GRK4: variants seen among roughly 807,000 people sequenced by gnomAD.
GRK4 encodes the protein G protein-coupled receptor kinase 4.
A neutral mutation model predicts 77.9 loss-of-function variants in GRK4; 73 were observed. That is an observed-to-expected ratio of 0.94 (90% CI 0.78 to 1.14). The LOEUF (loss-of-function observed/expected upper bound fraction) is 1.14. Among genes scored for constraint, GRK4 ranks in the 50% most tolerant of loss-of-function variants. The pLI, the probability that GRK4 is intolerant of heterozygous loss-of-function variation, is 0.00. For missense variants in GRK4, 729 were observed against 700.2 expected, an observed-to-expected ratio of 1.04 and a Z score of -0.46; for synonymous variants, 257 against 254.4, an observed-to-expected ratio of 1.01 and a Z score of -0.10.
At chr4:2,986,213 A>T (rs754586733) in intron 2 of GRK4, among the ~76,000 whole-genome samples, 6 of 151,790 alleles carry the variant, frequency 4.0e-5, no homozygotes, top group Non-Finnish European at 5.9e-5. Flanking sequence ...CAGTATTTTT[A>T]ATATTTGCTA....
intron 9 of GRK4, among the ~76,000 whole-genome samples, chr4:3,020,205 C>T (rs1220818944): frequency 6.6e-6 from 1 of 152,018 alleles, no homozygotes; most frequent in Admixed American, 6.6e-5. Context: ...GGGGTCTCAC[C>T]ATGTTGGCCA....
intron 8 of GRK4, among the ~76,000 whole-genome samples, chr4:3,018,859 A>T (rs1222840600): frequency 6.6e-6 from 1 of 152,234 alleles, no homozygotes; most frequent in Non-Finnish European, 1.5e-5. Flanking sequence ...AGCCTGGGCG[A>T]CAGAGCAAGA....
At position 3,007,772 on chromosome 4, in the gene GRK4, A is replaced by G; in HGVS notation, c.480A>G (p.Glu160=). 1 of 1,611,740 alleles carries G rather than the reference A, an allele frequency of 6.2e-7. No individual in the cohort carries two copies. The highest frequency in any genetic ancestry group is 8.5e-7 in the Non-Finnish European group (1 of 1,178,798). Residue 160 remains glutamate (E), a synonymous_variant, in exon 6 of 16, where the codon GAA becomes GAG. Transcript: ENST00000398052. The stretch of plus-strand genomic sequence containing the variant: ...ACTACCTAAGAGGGGAACCATTTGA[A>G]GAATACCAAGAAAGCTCATATTTTT... ...AHNYLRGEPF[E]EYQESSYFSQ...
chr4:3,021,493 C>T (rs1182304874), intron 9 of GRK4, among the ~76,000 whole-genome samples: 1 of 152,186 alleles, frequency 6.6e-6, no homozygotes, highest in African/African-American at 2.4e-5. Flanking sequence ...TCTTATATAT[C>T]CCACAGCCAA....
chr4:2,984,645 A>G (rs1374824773), intron 2 of GRK4, 37 bp downstream of exon 2: 2 of 1,067,138 alleles, frequency 1.9e-6, no homozygotes, highest in East Asian at 2.5e-5. Context: ...TGGATGGTAC[A>G]TCTGGCATGA....
intron 5 of GRK4, among the ~76,000 whole-genome samples, chr4:3,006,578 G>A (rs755595792): frequency 9.2e-5 from 14 of 151,588 alleles, no homozygotes; most frequent in African/African-American, 1.5e-4. Context: ...TCAGGAGTTC[G>A]AGACCAGCCT....
At chr4:3,001,387 A>C (rs1249780383) in intron 4 of GRK4, among the ~76,000 whole-genome samples, 2 of 138,592 alleles carry the variant, frequency 1.4e-5, no homozygotes, top group Non-Finnish European at 3.1e-5. Context: ...TTTTTTTGAG[A>C]TGGAGTTTCG....
intron 4 of GRK4, among the ~76,000 whole-genome samples, chr4:2,996,213 G>A (rs1352634792): frequency 3.3e-5 from 5 of 152,144 alleles, no homozygotes. Flanking sequence ...CCTACTCCAG[G>A]GATAACAAGA....
intron 4 of GRK4, among the ~76,000 whole-genome samples, chr4:3,001,105 GTATATATA>G (rs1729499598): frequency 2.3e-5 from 3 of 128,464 alleles, no homozygotes; most frequent in Non-Finnish European, 4.8e-5. Flanking sequence ...GTGTGTGTGT[GTATATATA>G]TGTATATATG....
At chr4:3,021,052 A>T (rs1407220483) in intron 9 of GRK4, among the ~76,000 whole-genome samples, 1 of 152,128 alleles carries the variant, frequency 6.6e-6, no homozygotes, top group African/African-American at 2.4e-5. Context: ...TCCAAGGGAA[A>T]GGGGCCTGCT....
At chr4:2,976,743 G>T (rs1392918377) in intron 1 of GRK4, among the ~76,000 whole-genome samples, 1 of 150,058 alleles carries the variant, frequency 6.7e-6, no homozygotes, top group African/African-American at 2.5e-5. Flanking sequence ...AGGTTCAGGT[G>T]ATTCTCCCGC....
intron 13 of GRK4, 33 bp from the exon 14 acceptor site, chr4:3,037,341 A>G (rs1741021171): frequency 1.3e-6 from 2 of 1,551,278 alleles, no homozygotes; most frequent in African/African-American, 1.4e-5. Context: ...TGCTGTAGTC[A>G]TCTCAGAGGC....
At chr4:3,020,192 A>G (rs574660223) in intron 9 of GRK4, among the ~76,000 whole-genome samples, 3 of 151,956 alleles carry the variant, frequency 2.0e-5, no homozygotes, top group Non-Finnish European at 2.9e-5. Flanking sequence ...TTTACTAGAG[A>G]TGGGGGTCTC....
chr4:3,001,326 TACACACAC>T lies in GRK4; in HGVS notation c.340-2883_340-2876del, dbSNP rs771757282. On this transcript the variant is annotated intron_variant, in intron 4 of 15. Coordinates refer to ENST00000398052, the MANE Select transcript of GRK4 (RefSeq NM_182982.3). ...GTATATATGTGTGTGTGAGTACATA[TACACACAC>T]ACACACACACACACACACACATATA... 2.2e-3 allele frequency among the ~76,000 whole-genome samples: 258 copies of T among 115,196 alleles called. 17 individuals are homozygous for T. The highest frequency in any genetic ancestry group is 8.4e-3 in the African/African-American group (222 of 26,290). 75.6% of individuals were successfully genotyped at this position (115,196 alleles called of 152,430 possible).
At chr4:2,983,412 T>C (rs1252572214) in intron 1 of GRK4, among the ~76,000 whole-genome samples, 1 of 152,234 alleles carries the variant, frequency 6.6e-6, no homozygotes, top group African/African-American at 2.4e-5. Context: ...AAGATGCTCA[T>C]TTCTCTGAGT....
At chr4:3,019,948 C>A in intron 9 of GRK4, 117 bp downstream of exon 9, 1 of 932,142 alleles carries the variant, frequency 1.1e-6, no homozygotes, top group South Asian at 1.7e-5. Flanking sequence ...AGCTGGGAGG[C>A]CCTCGATGGT....
intron 1 of GRK4, among the ~76,000 whole-genome samples, chr4:2,976,159 A>G (rs1721091345): frequency 6.6e-6 from 1 of 151,798 alleles, no homozygotes; most frequent in Non-Finnish European, 1.5e-5. Flanking sequence ...AGCTCATTGA[A>G]ACACTCATTG....
Position 2,963,983 on chromosome 4 carries a change from A to C in GRK4, c.-88A>C. 1.7e-6 allele frequency: 2 copies of C among 1,192,248 alleles called. No homozygotes were observed. Among genetic ancestry groups the C allele is most frequent in the Non-Finnish European group, 2.4e-6 (2 of 819,192 alleles). 73.9% of individuals were successfully genotyped at this position (1,192,248 alleles called of 1,614,324 possible). A position where few individuals can be genotyped will look rare whatever the true frequency, so the allele number is the denominator to read the frequency against. On this transcript the variant is annotated 5_prime_UTR_variant, in exon 1 of 16. The change abolishes an upstream ATG in the 5' untranslated region. Coordinates refer to ENST00000398052, the MANE Select transcript of GRK4 (RefSeq NM_182982.3). ...AGGAGAGGGTGGTGCCCGGCGAGCT[A>C]TGCACGGGGGCGGCGGCGTCTCCTC...
chr4:3,008,350 T>C (rs1011995891), intron 6 of GRK4, among the ~76,000 whole-genome samples: 1 of 152,202 alleles, frequency 6.6e-6, no homozygotes, highest in African/African-American at 2.4e-5. Flanking sequence ...TTATGTGGCC[T>C]CAGGTAAGTG....
Sources: gnomAD v4.1 joint callset for allele counts (sites outside exome capture counted in the v4.1 genomes callset) on GRCh38, gnomAD v4.1.1 for gene constraint, MANE v1.5 for transcripts, NCBI Gene and HGNC (gene_info 2026-07-23, HGNC 2026-07-21) for gene names.